SLC24A3: variants seen among roughly 807,000 people sequenced by gnomAD.
SLC24A3 encodes the protein sodium/potassium/calcium exchanger 3.
A neutral mutation model predicts 75.8 loss-of-function variants in SLC24A3; 28 were observed. The ratio of observed to expected loss-of-function variants is 0.37; its 90% CI spans 0.27 to 0.51. SLC24A3 has a LOEUF of 0.51. Among genes scored for constraint, SLC24A3 ranks in the 20% least tolerant of loss-of-function variants. The pLI is 0.94. For synonymous variants in SLC24A3, 372 were observed against 334.1 expected (o/e 1.11, Z -1.24); for missense variants, 663 against 847.8 (o/e 0.78, Z 2.71).
intron 9 of SLC24A3, among the ~76,000 whole-genome samples, chr20:19,676,091 A>G (rs750302629): frequency 1.3e-5 from 2 of 152,322 alleles, no homozygotes; most frequent in East Asian, 1.9e-4. Flanking sequence ...ATGTTTCAAA[A>G]TGAATTCACT....
intron 2 of SLC24A3, among the ~76,000 whole-genome samples, chr20:19,466,931 G>GAA (rs1987775803): frequency 6.6e-6 from 1 of 152,188 alleles, no homozygotes; most frequent in Non-Finnish European, 1.5e-5. Context: ...GGCACACTGA[G>GAA]GAATAAGACA....
chr20:19,541,083 C>T (rs1055071885), intron 3 of SLC24A3, among the ~76,000 whole-genome samples: 1 of 152,202 alleles, frequency 6.6e-6, no homozygotes, highest in African/African-American at 2.4e-5. Context: ...CTCATGTGTT[C>T]TTCTGATTTA....
intron 2 of SLC24A3, among the ~76,000 whole-genome samples, chr20:19,514,983 T>G (rs1396348215): frequency 6.6e-6 from 1 of 152,210 alleles, no homozygotes; most frequent in African/African-American, 2.4e-5. Flanking sequence ...CAAATCTGTC[T>G]GAGCCACAGA....
chr20:19,554,441 G>T (rs1342790110), intron 3 of SLC24A3, among the ~76,000 whole-genome samples: 1 of 152,180 alleles, frequency 6.6e-6, no homozygotes, highest in Non-Finnish European at 1.5e-5. Context: ...GAAGAGAAAA[G>T]GTGGAAGAGA....
chr20:19,324,377 TAC>T (rs1020468188), intron 2 of SLC24A3, among the ~76,000 whole-genome samples: 1 of 152,360 alleles, frequency 6.6e-6, no homozygotes, highest in African/African-American at 2.4e-5. Flanking sequence ...GAGATTGGGT[TAC>T]ACAGATACTA....
chr20:19,519,593 G>A (rs531646478), intron 3 of SLC24A3, among the ~76,000 whole-genome samples: 33 of 152,262 alleles, frequency 2.2e-4, no homozygotes, highest in African/African-American at 7.9e-4. Context: ...ACAAAAGATA[G>A]CCCCAAGAAA....
intron 1 of SLC24A3, among the ~76,000 whole-genome samples, chr20:19,238,179 C>A (rs1982222836): frequency 6.6e-6 from 1 of 152,166 alleles, no homozygotes; most frequent in Admixed American, 6.5e-5. Flanking sequence ...GAGTCACCCC[C>A]CACAAGAGTG....
chr20:19,239,565 C>T (rs1422711046), intron 1 of SLC24A3, among the ~76,000 whole-genome samples: 1 of 152,212 alleles, frequency 6.6e-6, no homozygotes, highest in Non-Finnish European at 1.5e-5. Context: ...ATGGTGACCC[C>T]AGGGTGGCTG....
intron 9 of SLC24A3, among the ~76,000 whole-genome samples, chr20:19,681,239 T>C (rs1360137314): frequency 6.6e-6 from 1 of 152,158 alleles, no homozygotes; most frequent in East Asian, 1.9e-4. Flanking sequence ...TAGCCTAGAA[T>C]TTTTTCATAA....
chr20:19,605,399 C>T (rs1370904201), intron 6 of SLC24A3, among the ~76,000 whole-genome samples: 3 of 152,098 alleles, frequency 2.0e-5, no homozygotes, highest in African/African-American at 7.2e-5. Context: ...GCTTTCTCTA[C>T]GAAAGAGGTT....
chr20:19,587,088 G>A lies in SLC24A3; in HGVS notation c.612+1544G>A, dbSNP rs116893840. On this transcript the variant is annotated intron_variant, in intron 6 of 16. Coordinates refer to ENST00000328041, the MANE Select transcript of SLC24A3 (RefSeq NM_020689.4). The stretch of plus-strand genomic sequence containing the variant: ...GTTGCACCCAGCAGAAGAGTCTGTC[G>A]CTGTTAGCACTCTCCTAATTGGCAT... 6.1e-3 allele frequency among the ~76,000 whole-genome samples: 936 copies of A among 152,252 alleles called. 6 individuals are homozygous for A. The highest frequency in any genetic ancestry group is 0.031 in the Middle Eastern group (9 of 294).
intron 2 of SLC24A3, among the ~76,000 whole-genome samples, chr20:19,402,852 G>A (rs955729909): frequency 1.3e-5 from 2 of 152,204 alleles, no homozygotes; most frequent in African/African-American, 2.4e-5. Flanking sequence ...CTATCCAAAA[G>A]GACTTTCTGC....
chr20:19,707,273 C>T (rs980757869), intron 15 of SLC24A3, among the ~76,000 whole-genome samples: 1 of 152,114 alleles, frequency 6.6e-6, no homozygotes, highest in African/African-American at 2.4e-5. Flanking sequence ...GACATAAAAC[C>T]TATTACAGGG....
chr20:19,720,958 T>G (rs1366255726), intron 16 of SLC24A3, 33 bp from the exon 17 acceptor site: 1 of 1,610,526 alleles, frequency 6.2e-7, no homozygotes, highest in East Asian at 2.2e-5. Context: ...TGCCTCCTCC[T>G]GGTGCCCTCT....
At chr20:19,524,054 G>A (rs2030151924) in intron 3 of SLC24A3, among the ~76,000 whole-genome samples, 2 of 152,150 alleles carry the variant, frequency 1.3e-5, no homozygotes, top group Admixed American at 1.3e-4. Context: ...CTTCAGCTGG[G>A]CTAACAGAAA....
At position 19,678,613 on chromosome 20, in the gene SLC24A3, G is replaced by C. The variant is rs1333197313; in HGVS notation, c.768-3245G>C. On this transcript the variant is annotated intron_variant, in intron 9 of 16. Transcript: ENST00000328041. ...TGGGCAGAGGCGCCCCTCACCTCCCGGACGGGGCGGCTGGCCCCGGGCGGG... is the reference window on the plus strand; with the variant it reads ...TGGGCAGAGGCGCCCCTCACCTCCCCGACGGGGCGGCTGGCCCCGGGCGGG... Among the ~76,000 whole-genome samples the C allele has an allele frequency of 1.7e-4, 22 of 127,594 alleles. 1 individual carries two copies. Among genetic ancestry groups the C allele is most frequent in the Admixed American group, 1.6e-3 (21 of 13,208 alleles). 83.7% of individuals were successfully genotyped at this position (127,594 alleles called of 152,430 possible).
At chr20:19,240,481 A>G (rs1477057238) in intron 1 of SLC24A3, among the ~76,000 whole-genome samples, 3 of 152,228 alleles carry the variant, frequency 2.0e-5, no homozygotes, top group Non-Finnish European at 4.4e-5. Context: ...TTCAGAGTGG[A>G]CAAAACTCTG....
chr20:19,465,228 A>T (rs1320535610), intron 2 of SLC24A3, among the ~76,000 whole-genome samples: 1 of 152,164 alleles, frequency 6.6e-6, no homozygotes, highest in African/African-American at 2.4e-5. Context: ...TGGAGATGCC[A>T]TCAGGGCAGC....
chr20:19,485,923 G>T (rs1352566735), intron 2 of SLC24A3, among the ~76,000 whole-genome samples: 1 of 152,206 alleles, frequency 6.6e-6, no homozygotes, highest in Non-Finnish European at 1.5e-5. Flanking sequence ...CCATTTCTGG[G>T]GTTAGCCCAG....
Sources: allele counts gnomAD v4.1 joint callset (sites outside exome capture counted in the v4.1 genomes callset), GRCh38; gene constraint gnomAD v4.1.1; transcripts MANE v1.5; gene names NCBI Gene and HGNC (gene_info 2026-07-23, HGNC 2026-07-21).